IMMP2L: variants seen among roughly 807,000 people sequenced by gnomAD.
IMMP2L encodes the protein mitochondrial inner membrane protease subunit 2.
Under a neutral mutation model 19.3 loss-of-function variants are expected in IMMP2L, and 18 were observed. The ratio of observed to expected loss-of-function variants is 0.93; its 90% CI spans 0.64 to 1.38. The LOEUF is 1.38. Among genes scored for constraint, IMMP2L ranks in the 40% most tolerant of loss-of-function variants. The probability of loss-of-function intolerance (pLI) is 0.00; values close to 1 mark genes in which losing one functional copy is unlikely to be tolerated. For missense variants in IMMP2L, 233 were observed against 218.2 expected (o/e 1.07, Z -0.43); for synonymous variants, 76 against 73.0 (o/e 1.04, Z -0.21).
intron 1 of IMMP2L, among the ~76,000 whole-genome samples, chr7:111,544,789 C>G (rs1563338650): frequency 7.0e-6 from 1 of 142,782 alleles, no homozygotes; most frequent in Non-Finnish European, 1.5e-5. Context: ...TGTATATTGG[C>G]TTTTTTTTTT....
chr7:111,119,817 G>A (rs1200605201), intron 3 of IMMP2L, among the ~76,000 whole-genome samples: 1 of 152,162 alleles, frequency 6.6e-6, no homozygotes, highest in African/African-American at 2.4e-5. Flanking sequence ...TTAGTGCCTG[G>A]TGAAGGAAAG....
chr7:111,135,893 C>G (rs1460311320), intron 3 of IMMP2L, among the ~76,000 whole-genome samples: 1 of 152,088 alleles, frequency 6.6e-6, no homozygotes, highest in African/African-American at 2.4e-5. Context: ...CATCAAAGAC[C>G]TCTTATCTCA....
intron 3 of IMMP2L, among the ~76,000 whole-genome samples, chr7:111,310,934 C>T (rs1823447516): frequency 6.6e-6 from 1 of 152,150 alleles, no homozygotes. Context: ...CGCCTATTCT[C>T]CTTTGCGCAA....
intron 5 of IMMP2L, among the ~76,000 whole-genome samples, chr7:110,718,202 G>C (rs1308958429): frequency 2.6e-5 from 4 of 152,188 alleles, no homozygotes; most frequent in Non-Finnish European, 4.4e-5. Flanking sequence ...TTGTAAGGAG[G>C]TAAGAATAAG....
intron 3 of IMMP2L, among the ~76,000 whole-genome samples, chr7:111,374,644 G>A (rs985857615): frequency 1.4e-4 from 21 of 152,036 alleles, no homozygotes; most frequent in Non-Finnish European, 1.3e-4. Flanking sequence ...AAACCCAAAA[G>A]ACAGTCAGAC....
intron 3 of IMMP2L, among the ~76,000 whole-genome samples, chr7:111,051,580 C>T (rs1020358830): frequency 3.3e-5 from 5 of 152,070 alleles, no homozygotes; most frequent in African/African-American, 9.7e-5. Context: ...CTCAAGCTTT[C>T]GTATTTGAAA....
chr7:111,276,418 G>C (rs745584522), intron 3 of IMMP2L, among the ~76,000 whole-genome samples: 1 of 151,902 alleles, frequency 6.6e-6, no homozygotes, highest in Non-Finnish European at 1.5e-5. Flanking sequence ...TTTTATTGTT[G>C]TCTCCTTATC....
intron 3 of IMMP2L, among the ~76,000 whole-genome samples, chr7:111,332,602 G>A (rs1044289548): frequency 6.6e-6 from 1 of 151,790 alleles, no homozygotes; most frequent in Admixed American, 6.6e-5. Flanking sequence ...ATACTACTTA[G>A]AACAAGGCAG....
intron 3 of IMMP2L, among the ~76,000 whole-genome samples, chr7:111,290,843 C>G (rs968911694): frequency 2.6e-5 from 4 of 150,952 alleles, no homozygotes; most frequent in Non-Finnish European, 5.9e-5. Flanking sequence ...CACACACACA[C>G]ACACACACAC....
intron 5 of IMMP2L, among the ~76,000 whole-genome samples, chr7:110,737,292 T>C (rs1397728491): frequency 6.6e-6 from 1 of 152,170 alleles, no homozygotes; most frequent in African/African-American, 2.4e-5. Flanking sequence ...TTTTCAGCCC[T>C]GGTCACTGGC....
chr7:111,124,528 T>A (rs1027721587), intron 3 of IMMP2L: 3 of 1,613,750 alleles, frequency 1.9e-6, no homozygotes, highest in African/African-American at 2.7e-5. Context: ...TCTGAATCCA[T>A]CAACTGAGTA....
chr7:110,726,910 A>T (rs933342295), intron 5 of IMMP2L, among the ~76,000 whole-genome samples: 1 of 152,206 alleles, frequency 6.6e-6, no homozygotes, highest in African/African-American at 2.4e-5. Context: ...TGTAAGAAGG[A>T]GTCAGAATGG....
intron 3 of IMMP2L, among the ~76,000 whole-genome samples, chr7:111,469,561 GTTA>G (rs1319799593): frequency 2.0e-5 from 3 of 151,894 alleles, no homozygotes; most frequent in Non-Finnish European, 4.4e-5. Flanking sequence ...CTGTTTGTCT[GTTA>G]TTGTGTATAT....
rs546820279 is a variant in IMMP2L, at chr7:110,764,821, C to T, written c.409-101100G>A. On this transcript the variant is annotated intron_variant, in intron 5 of 5. Transcript: ENST00000405709. ...ACTCCTGAAAGAATTACTCATAAAT[C>T]CATCAAGCTCAAAATAAATGCTACT... Among the ~76,000 whole-genome samples, 3 of 151,994 alleles carry T rather than the reference C, an allele frequency of 2.0e-5. No homozygotes were observed. In the South Asian group the frequency reaches 6.2e-4, roughly 32 times the overall value.
intron 3 of IMMP2L, among the ~76,000 whole-genome samples, chr7:111,447,716 T>A (rs1296802491): frequency 6.6e-6 from 1 of 151,024 alleles, no homozygotes; most frequent in Non-Finnish European, 1.5e-5. Flanking sequence ...AATATTAACT[T>A]TAAATGTAAA....
chr7:111,440,581 G>T (rs1312370224), intron 3 of IMMP2L, among the ~76,000 whole-genome samples: 1 of 151,794 alleles, frequency 6.6e-6, no homozygotes, highest in Non-Finnish European at 1.5e-5. Context: ...AGGCTTTGTT[G>T]TTCCATTTAT....
At chr7:110,999,009 T>C (rs900470019) in intron 3 of IMMP2L, among the ~76,000 whole-genome samples, 6 of 152,158 alleles carry the variant, frequency 3.9e-5, no homozygotes, top group Non-Finnish European at 8.8e-5. Context: ...GCATATACCA[T>C]AATGGAGGCC....
At chr7:110,720,145 T>A (rs1157291474) in intron 5 of IMMP2L, among the ~76,000 whole-genome samples, 1 of 151,990 alleles carries the variant, frequency 6.6e-6, no homozygotes, top group African/African-American at 2.4e-5. Context: ...TACAGGAGAA[T>A]CACTGTAAGG....
intron 5 of IMMP2L, among the ~76,000 whole-genome samples, chr7:110,678,668 G>C (rs1169401173): frequency 6.6e-6 from 1 of 152,104 alleles, no homozygotes; most frequent in Admixed American, 6.5e-5. Context: ...AGTACCCCGA[G>C]AGCAGAGGTT....
Sources: gnomAD v4.1 joint callset for allele counts (sites outside exome capture counted in the v4.1 genomes callset) on GRCh38, gnomAD v4.1.1 for gene constraint, MANE v1.5 for transcripts, NCBI Gene and HGNC (gene_info 2026-07-23, HGNC 2026-07-21) for gene names.